Variants in DROSHA observed in about 807,000 individuals in gnomAD.
DROSHA encodes drosha ribonuclease III.
A neutral mutation model predicts 181.9 loss-of-function variants in DROSHA; 56 were observed. The observed-to-expected ratio is 0.31, with a 90% confidence interval of 0.25 to 0.38. The LOEUF is 0.38. DROSHA is among the 10% of genes least tolerant of loss of function. DROSHA has a pLI of 1.00. For synonymous variants in DROSHA, 524 were observed against 591.2 expected, an observed-to-expected ratio of 0.89 and a Z score of 1.65; for missense variants, 1,218 against 1,743.5, an observed-to-expected ratio of 0.70 and a Z score of 5.37.
chr5:31,520,649 G>C (rs1355739975), intron 6 of DROSHA, among the ~76,000 whole-genome samples: 1 of 152,088 alleles, frequency 6.6e-6, no homozygotes, highest in Non-Finnish European at 1.5e-5. Context: ...TCAGATTCTA[G>C]AGTGCTGTTC....
chr5:31,487,458 A>G (rs531656414), intron 13 of DROSHA, among the ~76,000 whole-genome samples: 1 of 152,376 alleles, frequency 6.6e-6, no homozygotes, highest in Non-Finnish European at 1.5e-5. Context: ...ATATTTTTGA[A>G]TGAATTAAAG....
chr5:31,489,848 G>T (rs116270675), intron 13 of DROSHA, among the ~76,000 whole-genome samples: 9 of 152,056 alleles, frequency 5.9e-5, no homozygotes, highest in Non-Finnish European at 1.3e-4. Flanking sequence ...GACAAAATAC[G>T]GTGTAACTCA....
intron 30 of DROSHA, among the ~76,000 whole-genome samples, chr5:31,417,479 T>A (rs1580007434): frequency 6.6e-6 from 1 of 152,100 alleles, no homozygotes; most frequent in Non-Finnish European, 1.5e-5. Context: ...GGGGTATGAA[T>A]CACTTGGGAG....
At chr5:31,442,807 C>T (rs1030026110) in intron 23 of DROSHA, among the ~76,000 whole-genome samples, 2 of 151,990 alleles carry the variant, frequency 1.3e-5, no homozygotes, top group Non-Finnish European at 2.9e-5. Flanking sequence ...CACCTCACTG[C>T]ATCTGCCTGG....
chr5:31,446,262 C>T (rs1746246108), intron 23 of DROSHA, among the ~76,000 whole-genome samples: 2 of 151,734 alleles, frequency 1.3e-5, no homozygotes, highest in African/African-American at 2.4e-5. Flanking sequence ...CTGGTTAACA[C>T]AGTGAGACCC....
At chr5:31,531,241 T>C (rs1741312415) in intron 2 of DROSHA, among the ~76,000 whole-genome samples, 1 of 152,214 alleles carries the variant, frequency 6.6e-6, no homozygotes, top group African/African-American at 2.4e-5. Flanking sequence ...CAAAGGTGTG[T>C]GCCGCACCTA....
intron 5 of DROSHA, among the ~76,000 whole-genome samples, chr5:31,524,721 G>A (rs1460310375): frequency 6.6e-6 from 1 of 152,124 alleles, no homozygotes; most frequent in African/African-American, 2.4e-5. Context: ...TAACTTCAGA[G>A]TATTTCTGTA....
At chr5:31,435,656 A>T in intron 25 of DROSHA, 109 bp downstream of exon 25, 1 of 936,742 alleles carries the variant, frequency 1.1e-6, no homozygotes, top group Non-Finnish European at 1.6e-6. Flanking sequence ...GTAAAATATT[A>T]ACACTCCTAA....
intron 14 of DROSHA, among the ~76,000 whole-genome samples, chr5:31,485,439 T>G (rs1382750652): frequency 1.4e-5 from 2 of 145,180 alleles, no homozygotes; most frequent in Non-Finnish European, 3.0e-5. Flanking sequence ...GCTAAGAAAA[T>G]TATACAACTC....
chr5:31,518,839 A>G (rs1348978868), intron 6 of DROSHA, among the ~76,000 whole-genome samples: 1 of 152,240 alleles, frequency 6.6e-6, no homozygotes, highest in Non-Finnish European at 1.5e-5. Context: ...CAAATGTTTT[A>G]TTGCCAAGAA....
chr5:31,447,033 C>T (rs1238420522), intron 23 of DROSHA, among the ~76,000 whole-genome samples: 1 of 151,826 alleles, frequency 6.6e-6, no homozygotes, highest in Non-Finnish European at 1.5e-5. Flanking sequence ...GAATGAGATA[C>T]TGTCTCGAAA....
Position 31,474,340 on chromosome 5 carries a change from C to G in DROSHA, c.2072-2108G>C, listed in dbSNP as rs549293218. On this transcript the variant is annotated intron_variant, in intron 16 of 35. Transcript: ENST00000344624. Reference sequence around the variant, plus strand: ...TTATGGACTCAATGTTTGTGTTCCCCCAAATTTCATATATTAAAGTCCTTT... The same window carrying G: ...TTATGGACTCAATGTTTGTGTTCCCGCAAATTTCATATATTAAAGTCCTTT... Among the ~76,000 whole-genome samples the G allele has an allele frequency of 5.3e-5, 8 of 152,124 alleles. No homozygotes were observed. In the East Asian group the frequency reaches 1.5e-3, roughly 29 times the overall value.
chr5:31,472,009 A>C, intron 17 of DROSHA, 54 bp downstream of exon 17: 2 of 1,470,900 alleles, frequency 1.4e-6, no homozygotes, highest in Non-Finnish European at 1.8e-6. Flanking sequence ...TGAAACATTC[A>C]GATCTGGAAA....
intron 19 of DROSHA, among the ~76,000 whole-genome samples, chr5:31,465,977 A>G (rs1748952997): frequency 6.6e-6 from 1 of 152,206 alleles, no homozygotes. Flanking sequence ...AAAACAGACT[A>G]ATACAGGGAT....
chr5:31,523,292 G>A (rs1020092959), intron 5 of DROSHA, among the ~76,000 whole-genome samples: 2 of 152,110 alleles, frequency 1.3e-5, no homozygotes, highest in Admixed American at 6.5e-5. Flanking sequence ...AAAACAACTC[G>A]AATATAAATA....
At chr5:31,516,352 A>G (rs1739270516) in intron 6 of DROSHA, among the ~76,000 whole-genome samples, 1 of 152,214 alleles carries the variant, frequency 6.6e-6, no homozygotes, top group South Asian at 2.1e-4. Flanking sequence ...GCTAAGTAGA[A>G]AAACTGCTTT....
chr5:31,486,402 G>A, intron 14 of DROSHA, 89 bp downstream of exon 14: 2 of 1,355,410 alleles, frequency 1.5e-6, no homozygotes, highest in Non-Finnish European at 2.0e-6. Context: ...GCAAAAGCCA[G>A]ATCTGGCCAA....
intron 21 of DROSHA, among the ~76,000 whole-genome samples, chr5:31,449,653 G>A (rs189129026): frequency 6.6e-6 from 1 of 152,132 alleles, no homozygotes; most frequent in South Asian, 2.1e-4. Flanking sequence ...CTTGAGCCCA[G>A]GAGGTCGAGG....
At chr5:31,417,260 A>G (rs1268312816) in intron 30 of DROSHA, among the ~76,000 whole-genome samples, 1 of 152,232 alleles carries the variant, frequency 6.6e-6, no homozygotes, top group Non-Finnish European at 1.5e-5. Context: ...GGGCTTGCTT[A>G]GTGTCCTGCA....
Sources: allele counts gnomAD v4.1 joint callset (sites outside exome capture counted in the v4.1 genomes callset), GRCh38; gene constraint gnomAD v4.1.1; transcripts MANE v1.5; gene names NCBI Gene and HGNC (gene_info 2026-07-23, HGNC 2026-07-21).